Variants in CROCC observed in about 807,000 individuals in gnomAD.
CROCC encodes rootletin.
Under a neutral mutation model 245.2 loss-of-function variants are expected in CROCC, and 180 were observed. The ratio of observed to expected loss-of-function variants is 0.73; its 90% confidence interval spans 0.65 to 0.83. The LOEUF is 0.83. Ranked by LOEUF, CROCC falls within the 40% of genes least tolerant of loss-of-function variation. The probability of loss-of-function intolerance (pLI) is 0.00; values close to 1 mark genes in which losing one functional copy is unlikely to be tolerated. For missense variants in CROCC, 2,688 were observed against 2,779.4 expected, an observed-to-expected ratio of 0.97 and a Z score of 0.74; for synonymous variants, 1,205 against 1,241.6, an observed-to-expected ratio of 0.97 and a Z score of 0.62.
chr1:16,934,399 A>C (rs901193471), intron 8 of CROCC, among the ~76,000 whole-genome samples: 2 of 152,244 alleles, frequency 1.3e-5, no homozygotes, highest in African/African-American at 4.8e-5. Flanking sequence ...TCCCAGGCTC[A>C]AGTGATCCTC....
chr1:16,923,933 G>C (rs1180835032), intron 2 of CROCC, among the ~76,000 whole-genome samples: 1 of 152,240 alleles, frequency 6.6e-6, no homozygotes, highest in African/African-American at 2.4e-5. Flanking sequence ...CTCCTATCTC[G>C]ACTCCCAAAG....
chr1:16,922,859 C>G, intron 2 of CROCC, 61 bp downstream of exon 2: 1 of 1,572,512 alleles, frequency 6.4e-7, no homozygotes, highest in East Asian at 2.2e-5. Flanking sequence ...TTCTCATGTC[C>G]CTTTCCTGAG....
intron 25 of CROCC, among the ~76,000 whole-genome samples, chr1:16,957,167 G>T (rs1208803209): frequency 6.6e-6 from 1 of 152,170 alleles, no homozygotes; most frequent in African/African-American, 2.4e-5. Context: ...CATGCTTTGG[G>T]AGGCCAAGTT....
chr1:16,970,185 G>A, intron 33 of CROCC, 68 bp from the exon 34 acceptor site: 1 of 1,435,882 alleles, frequency 7.0e-7, no homozygotes, highest in Middle Eastern at 1.9e-4. Context: ...CAGCCTCATT[G>A]TCCCCAAGCT....
In CROCC at chr1:16,970,662, T is replaced by C; in HGVS notation, c.5679T>C (p.His1893=). 1.3e-6 allele frequency: 2 copies of C among 1,577,868 alleles called. No individual in the cohort carries two copies. Among genetic ancestry groups the C allele is most frequent in the South Asian group, 2.3e-5 (2 of 85,864 alleles). ...TGGAGCGGGAGAAGCTTCGTAGCCA[T>C]GAGGACACAGTGCGGCTGAGCGCAG... The part of the protein sequence containing the change: ...DKVEREKLRS[H]EDTVRLSAEK... Residue 1893 remains histidine, a synonymous_variant, in exon 35 of 37, where the codon CAT becomes CAC. Transcript: ENST00000375541.
chr1:16,948,995 G>C lies in CROCC; in HGVS notation c.2836+69G>C, dbSNP rs1306850126. Reference sequence around the variant, plus strand: ...CAGACTGCAGCCTCCCAAGGTCTGGGGTCTCACAGAAGTTGGGAGCACTGG... The same window carrying C: ...CAGACTGCAGCCTCCCAAGGTCTGGCGTCTCACAGAAGTTGGGAGCACTGG... On this transcript the variant is annotated intron_variant, in intron 19 of 36. Transcript: ENST00000375541. 10 of 1,567,746 alleles carry C rather than the reference G, an allele frequency of 6.4e-6. No homozygotes were observed. The Middle Eastern group carries it at 9.2e-4, about 144-fold the overall frequency.
chr1:16,917,369 G>A (rs548862378), upstream of CROCC, among the ~76,000 whole-genome samples: 1 of 152,408 alleles, frequency 6.6e-6, no homozygotes, highest in South Asian at 2.1e-4. Context: ...TTTCTAGTCA[G>A]CAGCAGGAGG....
In CROCC at chr1:16,954,701, C is replaced by T; in HGVS notation, c.3322-33C>T. ...AGCAGCCCGGGGCTGGGGGACACAG[C>T]AGGACCAAGTCTGAGGAGCCCCTCT... On this transcript the variant is annotated intron_variant, in intron 22 of 36. Coordinates refer to ENST00000375541, the MANE Select transcript of CROCC (RefSeq NM_014675.5). This position sits in a 1 kb window ranked among gnomAD's most constrained non-coding sequence, Gnocchi z 4.4. The T allele has an allele frequency of 6.6e-7, 1 of 1,526,574 alleles. No individual in the cohort carries two copies. The highest frequency in any genetic ancestry group is 8.8e-7 in the Non-Finnish European group (1 of 1,131,654). 94.6% of individuals were successfully genotyped at this position (1,526,574 alleles called of 1,614,324 possible). A position where few individuals can be genotyped will look rare whatever the true frequency, so the allele number is the denominator to read the frequency against.
intron 26 of CROCC, among the ~76,000 whole-genome samples, chr1:16,959,448 T>G (rs1169100997): frequency 6.6e-6 from 1 of 152,234 alleles, no homozygotes; most frequent in Non-Finnish European, 1.5e-5. Context: ...TCCGGCTGTT[T>G]CATTGCCATG....
chr1:16,915,822 G>A (rs150736475), intron 1 of CROCC, among the ~76,000 whole-genome samples: 3 of 152,390 alleles, frequency 2.0e-5, no homozygotes, highest in African/African-American at 4.8e-5. Flanking sequence ...TGCGTCCCAG[G>A]CAGAGAAAGT....
Position 16,946,787 on chromosome 1 carries a change from G to GGGC in CROCC, c.2311_2313dup (p.Gly771dup). 6.4e-7 allele frequency: 1 copy of GGGC among 1,552,032 alleles called. No individual in the cohort carries two copies. Among genetic ancestry groups the GGGC allele is most frequent in the Non-Finnish European group, 8.7e-7 (1 of 1,147,244 alleles). ...TGGAGGAAGAAAAGTCCGCCCTGCAGGGCCGGCAACGGCAGGCAGAGCAGG... is the reference window on the plus strand; with the variant it reads ...TGGAGGAAGAAAAGTCCGCCCTGCAGGGCGGCCGGCAACGGCAGGCAGAGCAGG... On this transcript the variant is annotated inframe_insertion, in exon 17 of 37. Coordinates refer to ENST00000375541, the MANE Select transcript of CROCC (RefSeq NM_014675.5).
At chr1:16,919,688 G>T (rs1387453545), upstream of CROCC, among the ~76,000 whole-genome samples, 1 of 152,272 alleles carries the variant, frequency 6.6e-6, no homozygotes, top group East Asian at 1.9e-4. Context: ...AGGAACAGTG[G>T]CCCCCATTGG....
In CROCC at chr1:16,929,990, C is replaced by G; in HGVS notation, c.496C>G (p.Gln166Glu). ...RRKLQAYQEG[Q>E]QRQAQLVQRL... ...CAAGCTGCAGGCCTACCAGGAGGGCCAGCAGCGGCAGGCCCAGCTTGTGCA... is the reference window on the plus strand; with the variant it reads ...CAAGCTGCAGGCCTACCAGGAGGGCGAGCAGCGGCAGGCCCAGCTTGTGCA... Residue 166 changes from glutamine (Q) to glutamate (E), a missense_variant, in exon 4 of 37, where the codon CAG (glutamine) becomes GAG (glutamate). This residue lies in a region of CROCC where 972 missense variants were observed against 895.3 expected (regional missense o/e 1.09). Transcript: ENST00000375541. 1 of 1,586,672 alleles carries G rather than the reference C, an allele frequency of 6.3e-7. No individual in the cohort carries two copies.
chr1:16,953,212 G>A, intron 20 of CROCC, 90 bp from the exon 21 acceptor site: 1 of 1,182,854 alleles, frequency 8.5e-7, no homozygotes, highest in African/African-American at 1.5e-5. Flanking sequence ...AGGGTATGGG[G>A]GCCAGATGGC....
In CROCC at chr1:16,924,466, C is replaced by G. The variant is rs746650914; in HGVS notation, c.338C>G (p.Ala113Gly). ...GATGAGCTCGCCATTAAGTACAATG[C>G]GGTCAGCGAGAGGGTGGGTGCCGCC... ...ERDELAIKYN[A>G]VSERLEQALR... is the part of the protein sequence containing the mutation. Residue 113 changes from alanine to glycine, a missense_variant, in exon 3 of 37, where the codon GCG (alanine) becomes GGG (glycine). Coordinates refer to ENST00000375541, the MANE Select transcript of CROCC (RefSeq NM_014675.5). The G allele has an allele frequency of 6.2e-7, 1 of 1,612,296 alleles. No homozygotes were observed. The highest frequency in any genetic ancestry group is 8.5e-7 in the Non-Finnish European group (1 of 1,178,926).
chr1:16,949,690 AAG>A (rs1305694874), intron 19 of CROCC, among the ~76,000 whole-genome samples: 1 of 152,240 alleles, frequency 6.6e-6, no homozygotes, highest in East Asian at 1.9e-4. Flanking sequence ...GCATGTTATG[AAG>A]ACAAAATGAG....
At chr1:16,926,776 G>A (rs561290637) in intron 3 of CROCC, among the ~76,000 whole-genome samples, 42 of 152,408 alleles carry the variant, frequency 2.8e-4, no homozygotes, top group Admixed American at 1.6e-3. Flanking sequence ...GGGCTCCCTC[G>A]TGTCCATAGC....
Position 16,971,660 on chromosome 1 carries a change from C to T in CROCC, c.5967+13C>T. The T allele has an allele frequency of 6.8e-7, 1 of 1,467,226 alleles. No homozygotes were observed. Among genetic ancestry groups the T allele is most frequent in the Non-Finnish European group, 9.0e-7 (1 of 1,108,854 alleles). 90.9% of individuals were successfully genotyped at this position (1,467,226 alleles called of 1,614,324 possible). A position where few individuals can be genotyped will look rare whatever the true frequency, so the allele number is the denominator to read the frequency against. ...GCTGGAGGAGCAGGTGTGCAGGCCC[C>T]CTTAGAAGGCTGGGCCAGGATGGAT... is the stretch of plus-strand genomic sequence containing the variant. On this transcript the variant is annotated intron_variant, in intron 36 of 36. Coordinates refer to ENST00000375541, the MANE Select transcript of CROCC (RefSeq NM_014675.5).
intron 30 of CROCC, 87 bp from the exon 31 acceptor site, chr1:16,968,116 C>T: frequency 7.3e-7 from 1 of 1,378,812 alleles, no homozygotes; most frequent in Non-Finnish European, 1.0e-6. Flanking sequence ...GGCTGCTCCC[C>T]ACTTTCCCCC....
Sources: allele counts gnomAD v4.1 joint callset (sites outside exome capture counted in the v4.1 genomes callset), GRCh38; gene constraint gnomAD v4.1.1; regional missense constraint gnomAD v4.1.1; non-coding constraint Gnocchi (gnomAD v3.1); transcripts MANE v1.5; gene names NCBI Gene and HGNC (gene_info 2026-07-23, HGNC 2026-07-21).